Variants in NTN4 observed in about 807,000 individuals in gnomAD.
The protein encoded by NTN4 is netrin-4.
Under a neutral mutation model 73.6 loss-of-function variants are expected in NTN4, and 32 were observed. That is an observed-to-expected ratio of 0.44 (90% confidence interval 0.33 to 0.58). The LOEUF (loss-of-function observed/expected upper bound fraction) is 0.58. Ranked by LOEUF, NTN4 falls within the 20% of genes least tolerant of loss-of-function variation. The pLI is 0.04. For missense variants in NTN4, 654 were observed against 798.3 expected, an observed-to-expected ratio of 0.82 and a Z score of 2.18; for synonymous variants, 258 against 287.5, an observed-to-expected ratio of 0.90 and a Z score of 1.04.
intron 2 of NTN4, among the ~76,000 whole-genome samples, chr12:95,757,786 A>T (rs1211090269): frequency 6.8e-6 from 1 of 146,718 alleles, no homozygotes; most frequent in Non-Finnish European, 1.5e-5. Context: ...AAAAAAAAAA[A>T]TGTAATTAAA....
chr12:95,670,992 A>ATGTATATATT, intron 7 of NTN4: 1 of 63,088 alleles, frequency 1.6e-5, no homozygotes. Flanking sequence ...ATGTATGTAT[A>ATGTATATATT]TATTTATTTA....
intron 3 of NTN4, among the ~76,000 whole-genome samples, chr12:95,714,074 T>TC (rs1247773473): frequency 9.2e-5 from 14 of 151,980 alleles, no homozygotes; most frequent in Non-Finnish European, 1.5e-5. Context: ...GACTGGGCAT[T>TC]TTTTTTTCCT....
At chr12:95,706,371 T>C (rs183731740) in intron 5 of NTN4, among the ~76,000 whole-genome samples, 52 of 152,330 alleles carry the variant, frequency 3.4e-4, no homozygotes, top group Admixed American at 2.3e-3. Flanking sequence ...TTTTCTCTTT[T>C]TAATTGGTCA....
chr12:95,661,883 G>A (rs1041292020), intron 9 of NTN4, among the ~76,000 whole-genome samples: 3 of 152,084 alleles, frequency 2.0e-5, no homozygotes, highest in Middle Eastern at 3.2e-3. Flanking sequence ...TAGATATAAC[G>A]TGTGATCCTG....
At chr12:95,663,221 C>T (rs1465602423) in intron 9 of NTN4, among the ~76,000 whole-genome samples, 2 of 151,992 alleles carry the variant, frequency 1.3e-5, no homozygotes, top group African/African-American at 4.8e-5. Context: ...AGGAATTTAC[C>T]ATTAAAGTAT....
rs774935085 is a variant in NTN4 at position 95,682,783 on chromosome 12, G to A, written c.1434C>T (p.Phe478=). 5.6e-6 allele frequency: 9 copies of A among 1,613,706 alleles called. No homozygotes were observed. The Admixed American group carries it at 1.5e-4, about 27-fold the overall frequency. Residue 478 remains phenylalanine (F), a synonymous_variant, in exon 7 of 10, where the codon TTC becomes TTT. Transcript: ENST00000343702. The part of the protein sequence containing the change: ...DIDWYHEVPD[F]RPVHNKSEPA... ...GTTCGCTCTTATTGTGCACGGGACG[G>A]AAGTCAGGAACTTCATGATACCAGT... is the stretch of plus-strand genomic sequence containing the variant.
rs373507275 is a variant in NTN4, at chr12:95,700,695, G to A, written c.1180+9746C>T. ...TTGCTAAATGGTGTGAATCAGGTCA[G>A]GGTTCCCTCCCACCACGAACCCTGC... On this transcript the variant is annotated intron_variant, in intron 5 of 9. Coordinates refer to ENST00000343702, the MANE Select transcript of NTN4 (RefSeq NM_021229.4). Among the ~76,000 whole-genome samples, 18 of 152,226 alleles carry A rather than the reference G, an allele frequency of 1.2e-4. 1 individual carries two copies. Among genetic ancestry groups the A allele is most frequent in the African/African-American group, 4.3e-4 (18 of 41,532 alleles).
rs558703312 is a variant in NTN4 at position 95,770,323 on chromosome 12, C to CT, written c.585+16615dup. 9.3e-4 allele frequency among the ~76,000 whole-genome samples: 141 copies of CT among 152,268 alleles called. 3 individuals are homozygous for CT. The East Asian group carries it at 0.02, about 22-fold the overall frequency. Reference sequence around the variant, plus strand: ...GAGGGTGTTCCAGTGGGCTTACATTCTTCTGAGCTTTCATGATCATCAGAG... The same window carrying CT: ...GAGGGTGTTCCAGTGGGCTTACATTCTTTCTGAGCTTTCATGATCATCAGAG... On this transcript the variant is annotated intron_variant, in intron 2 of 9. Coordinates refer to ENST00000343702, the MANE Select transcript of NTN4 (RefSeq NM_021229.4).
At chr12:95,674,307 C>T (rs1261043819) in intron 7 of NTN4, among the ~76,000 whole-genome samples, 1 of 152,160 alleles carries the variant, frequency 6.6e-6, no homozygotes, top group Non-Finnish European at 1.5e-5. Context: ...CAACACAATG[C>T]TTTTCTCTTT....
At chr12:95,674,951 A>AG (rs2078261818) in intron 7 of NTN4, among the ~76,000 whole-genome samples, 1 of 152,234 alleles carries the variant, frequency 6.6e-6, no homozygotes, top group African/African-American at 2.4e-5. Flanking sequence ...TGATGGGCTT[A>AG]GTGAATGTCC....
intron 8 of NTN4, among the ~76,000 whole-genome samples, chr12:95,669,708 C>T (rs112875592): frequency 4.7e-4 from 71 of 152,264 alleles, no homozygotes; most frequent in African/African-American, 1.5e-3. Context: ...TATTACTGTA[C>T]GACAAACGAA....
chr12:95,713,322 A>T lies in NTN4; in HGVS notation c.881T>A (p.Met294Lys). 1 of 1,600,984 alleles carries T rather than the reference A, an allele frequency of 6.2e-7. No individual in the cohort carries two copies. Among genetic ancestry groups the T allele is most frequent in the South Asian group, 1.1e-5 (1 of 90,036 alleles). The part of the protein sequence containing the change: ...GTFHMVHGKC[M>K]CKHNTAGSHC... ...GCTGCCTGCTGTGTTGTGCTTACAC[A>T]TACACTTCCCATGGACCTACAAGCA... The change falls in exon 4 of 10, where the codon ATG (methionine) becomes AAG (lysine). Residue 294 changes from methionine to lysine, a missense_variant. Physicochemically the swap from Met to Lys is moderately conservative, Grantham distance 95. Coordinates refer to ENST00000343702, the MANE Select transcript of NTN4 (RefSeq NM_021229.4).
chr12:95,692,931 T>G (rs1229281036), intron 5 of NTN4, among the ~76,000 whole-genome samples: 1 of 152,092 alleles, frequency 6.6e-6, no homozygotes, highest in Non-Finnish European at 1.5e-5. Flanking sequence ...GCCACAGAGA[T>G]GTTTTGTGAG....
chr12:95,748,836 T>C (rs886411849), intron 2 of NTN4, among the ~76,000 whole-genome samples: 4 of 152,240 alleles, frequency 2.6e-5, no homozygotes, highest in African/African-American at 9.6e-5. Flanking sequence ...ATAGGATCTA[T>C]AGTGAGAAAC....
At chr12:95,735,148 C>T (rs1038255068) in intron 3 of NTN4, among the ~76,000 whole-genome samples, 1 of 152,096 alleles carries the variant, frequency 6.6e-6, no homozygotes, top group African/African-American at 2.4e-5. Flanking sequence ...TCAAATACAC[C>T]CAAGCTTAGG....
At chr12:95,688,600 T>C (rs61695874) in intron 5 of NTN4, among the ~76,000 whole-genome samples, 342 of 152,228 alleles carry the variant, frequency 2.2e-3, no homozygotes, top group African/African-American at 7.6e-3. Context: ...AATACAGTTT[T>C]GAGAGTTGTC....
At chr12:95,694,510 C>G (rs1186542425) in intron 5 of NTN4, among the ~76,000 whole-genome samples, 1 of 152,126 alleles carries the variant, frequency 6.6e-6, no homozygotes, top group African/African-American at 2.4e-5. Flanking sequence ...GATTTCGAGA[C>G]ACAGCTTTAA....
At chr12:95,724,020 A>G (rs1205857351) in intron 3 of NTN4, among the ~76,000 whole-genome samples, 4 of 151,906 alleles carry the variant, frequency 2.6e-5, no homozygotes, top group Admixed American at 6.6e-5. Context: ...CATGTTACCT[A>G]GAGTTTTTTT....
chr12:95,719,463 G>T (rs1223183640), intron 3 of NTN4, among the ~76,000 whole-genome samples: 1 of 152,134 alleles, frequency 6.6e-6, no homozygotes, highest in Non-Finnish European at 1.5e-5. Context: ...AGCAATTGAA[G>T]ACCAAATGTG....
Sources: allele counts gnomAD v4.1 joint callset (sites outside exome capture counted in the v4.1 genomes callset), GRCh38; gene constraint gnomAD v4.1.1; transcripts MANE v1.5; gene names NCBI Gene and HGNC (gene_info 2026-07-23, HGNC 2026-07-21).